LAMA4: variants seen among roughly 807,000 people sequenced by gnomAD.
LAMA4 encodes the protein laminin subunit alpha-4.
Under a neutral mutation model 207.1 loss-of-function variants are expected in LAMA4, and 127 were observed. The observed-to-expected ratio is 0.61, with a 90% confidence interval of 0.53 to 0.71. LAMA4 has a LOEUF of 0.71. LAMA4 is among the 30% of genes least tolerant of loss of function. The pLI is 0.00. For synonymous variants in LAMA4, 761 were observed against 816.0 expected (o/e 0.93, Z 1.15); for missense variants, 2,093 against 2,246.5 (o/e 0.93, Z 1.38).
At chr6:112,140,615 A>G (rs897187672) in intron 22 of LAMA4, 145 bp downstream of exon 22, 4 of 746,430 alleles carry the variant, frequency 5.4e-6, no homozygotes, top group Non-Finnish European at 4.7e-6. Context: ...CATCAGGTTT[A>G]TAGATTCTGG....
In LAMA4 at chr6:112,130,300, TTGTGTGTGTG is replaced by T. The variant is rs35563593; in HGVS notation, c.3969-270_3969-261del. Reference sequence around the variant, plus strand: ...AGATGACTAGTCATCAGCATTATTTTTGTGTGTGTGTGTGTGTGTGTGTGTGTGTGTGTGT... The same window carrying T: ...AGATGACTAGTCATCAGCATTATTTTTGTGTGTGTGTGTGTGTGTGTGTGT... On this transcript the variant is annotated intron_variant, in intron 29 of 38. Coordinates refer to ENST00000230538, the MANE Select transcript of LAMA4 (RefSeq NM_001105206.3). 2,716 of 382,212 alleles carry T rather than the reference TTGTGTGTGTG, an allele frequency of 7.1e-3. 72 individuals are homozygous for T. Among genetic ancestry groups the T allele is most frequent in the African/African-American group, 0.053 (2,502 of 46,768 alleles). 23.7% of individuals were successfully genotyped at this position (382,212 alleles called of 1,614,324 possible).
chr6:112,131,446 G>T (rs543989988), intron 28 of LAMA4, among the ~76,000 whole-genome samples: 1 of 152,204 alleles, frequency 6.6e-6, no homozygotes, highest in South Asian at 2.1e-4. Context: ...TCTCCTTGGG[G>T]ATGTAGCTAG....
chr6:112,194,459 A>G (rs1366609533), intron 5 of LAMA4, among the ~76,000 whole-genome samples: 2 of 152,218 alleles, frequency 1.3e-5, no homozygotes, highest in East Asian at 3.8e-4. Flanking sequence ...TCTGAGTCTT[A>G]AGAACATCTT....
intron 36 of LAMA4, 55 bp from the exon 37 acceptor site, chr6:112,114,811 T>C (rs1554322986): frequency 2.4e-6 from 3 of 1,229,590 alleles, no homozygotes; most frequent in Non-Finnish European, 3.6e-6. Flanking sequence ...GTGATAAAAC[T>C]GAATTTCTTA....
chr6:112,141,161 T>C (rs1779667588), intron 21 of LAMA4, among the ~76,000 whole-genome samples, 197 bp downstream of exon 21: 1 of 152,130 alleles, frequency 6.6e-6, no homozygotes. Context: ...CTTTTTTTTT[T>C]CTTTCCTACT....
chr6:112,246,291 G>GT (rs1786916805), intron 2 of LAMA4, among the ~76,000 whole-genome samples: 1 of 152,124 alleles, frequency 6.6e-6, no homozygotes, highest in South Asian at 2.1e-4. Flanking sequence ...AAATGCTAAG[G>GT]TTTGGACTCA....
intron 13 of LAMA4, among the ~76,000 whole-genome samples, chr6:112,163,263 GAGCCACTGCACCAAACCAA>G (rs1401590125): frequency 2.0e-4 from 30 of 152,098 alleles, no homozygotes; most frequent in African/African-American, 7.2e-4. Flanking sequence ...TTAGAGGCGT[GAGCCACTGCACCAAACCAA>G]AGCCTGTTGA....
intron 13 of LAMA4, among the ~76,000 whole-genome samples, chr6:112,162,759 T>C (rs1173989737): frequency 6.6e-6 from 1 of 152,160 alleles, no homozygotes. Context: ...CACTCGGATA[T>C]AGGAGTTTGG....
intron 18 of LAMA4, among the ~76,000 whole-genome samples, chr6:112,146,162 C>T (rs764086704): frequency 5.3e-5 from 8 of 151,978 alleles, no homozygotes; most frequent in Non-Finnish European, 7.4e-5. Flanking sequence ...TGGTGGTGCA[C>T]GCCTGTAATC....
At chr6:112,129,163 A>T in intron 30 of LAMA4, 88 bp from the exon 31 acceptor site, 1 of 1,173,886 alleles carries the variant, frequency 8.5e-7, no homozygotes, top group Non-Finnish European at 1.2e-6. Flanking sequence ...GAGCTTTGGC[A>T]ATTAAAATGT....
intron 11 of LAMA4, among the ~76,000 whole-genome samples, chr6:112,173,516 G>A (rs1047405800): frequency 2.0e-5 from 3 of 152,182 alleles, no homozygotes; most frequent in Admixed American, 6.5e-5. Flanking sequence ...GAAGGAGGCC[G>A]AGTGGGAGAT....
chr6:112,182,054 G>A (rs769572099), intron 9 of LAMA4, among the ~76,000 whole-genome samples: 4 of 151,860 alleles, frequency 2.6e-5, no homozygotes, highest in Non-Finnish European at 4.4e-5. Flanking sequence ...CCGAGATTGC[G>A]CCACTGCACA....
Position 112,185,346 on chromosome 6 carries a change from G to T in LAMA4, c.968C>A (p.Thr323Lys). Residue 323 changes from threonine (T) to lysine (K), a missense_variant and splice_region_variant, in exon 9 of 39, where the codon ACA becomes AAA. Physicochemically the swap from Thr to Lys is moderately conservative, Grantham distance 78. Coordinates refer to ENST00000230538, the MANE Select transcript of LAMA4 (RefSeq NM_001105206.3). Reference sequence around the variant, plus strand: ...TTGGTTTTCTCTTTCTGACAATTTTGTCTGCAGAAGAATGTGTTTTGAGAA... The same window carrying T: ...TTGGTTTTCTCTTTCTGACAATTTTTTCTGCAGAAGAATGTGTTTTGAGAA... ...EINATIYLLK[T>K]KLSERENQYA... 6.4e-7 allele frequency: 1 copy of T among 1,571,636 alleles called. No individual in the cohort carries two copies. The highest frequency in any genetic ancestry group is 8.8e-7 in the Non-Finnish European group (1 of 1,141,440).
intron 8 of LAMA4, 148 bp downstream of exon 8, chr6:112,187,302 C>T: frequency 1.1e-6 from 1 of 902,428 alleles, no homozygotes; most frequent in Non-Finnish European, 1.8e-6. Context: ...TATGAAATTA[C>T]TTATGTTTTC....
rs1779118329 is a variant in LAMA4 at position 112,132,826 on chromosome 6, A to G, written c.3761T>C (p.Phe1254Ser). 1 of 1,612,702 alleles carries G rather than the reference A, an allele frequency of 6.2e-7. No homozygotes were observed. The highest frequency in any genetic ancestry group is 8.5e-7 in the Non-Finnish European group (1 of 1,178,928). The change falls in exon 28 of 39, where the codon TTT (phenylalanine) becomes TCT (serine). Residue 1254 changes from phenylalanine (F) to serine (S), a missense_variant. Transcript: ENST00000230538. ...ATTAAAACCTCCTTCAAAGCCATCA[A>G]AGAAAGATATTTTCTGAATTGAAGC... ...FIASIQKISF[F>S]DGFEGGFNFR...
intron 31 of LAMA4, among the ~76,000 whole-genome samples, chr6:112,125,039 G>A (rs1341292021): frequency 6.6e-6 from 1 of 152,166 alleles, no homozygotes; most frequent in Non-Finnish European, 1.5e-5. Flanking sequence ...ACAGGCGTGA[G>A]CCACCGCACC....
At chr6:112,163,150 T>A (rs117342508) in intron 13 of LAMA4, among the ~76,000 whole-genome samples, 107 of 98,016 alleles carry the variant, frequency 1.1e-3, no homozygotes, top group African/African-American at 3.8e-3. Context: ...TAAAAAAAAA[T>A]TTTCTTTTTT....
intron 2 of LAMA4, among the ~76,000 whole-genome samples, chr6:112,238,464 C>T (rs985834161): frequency 2.6e-5 from 4 of 151,988 alleles, no homozygotes; most frequent in Non-Finnish European, 5.9e-5. Context: ...AATTCCAGCA[C>T]TTTGGGAGGC....
chr6:112,154,652 T>C (rs1418475973), intron 16 of LAMA4, 199 bp downstream of exon 16: 1 of 555,768 alleles, frequency 1.8e-6, no homozygotes, highest in East Asian at 3.1e-5. Context: ...GTTTACTACA[T>C]AGCATTTTTT....
Sources: gnomAD v4.1 joint callset for allele counts (sites outside exome capture counted in the v4.1 genomes callset) on GRCh38, gnomAD v4.1.1 for gene constraint, MANE v1.5 for transcripts, NCBI Gene and HGNC (gene_info 2026-07-23, HGNC 2026-07-21) for gene names.